FRMPD3: variants seen among roughly 807,000 people sequenced by gnomAD.
The protein encoded by FRMPD3 is FERM and PDZ domain containing 3.
Under a neutral mutation model 97.9 loss-of-function variants are expected in FRMPD3, and 42 were observed. The ratio of observed to expected loss-of-function variants is 0.43; its 90% CI spans 0.34 to 0.55. The LOEUF is 0.55. FRMPD3 is among the 20% of genes least tolerant of loss of function. The pLI is 0.03. For synonymous variants in FRMPD3, 577 were observed against 581.1 expected (o/e 0.99, Z 0.10); for missense variants, 1,303 against 1,457.7 (o/e 0.89, Z 1.73).
At chrX:107,495,881 A>G (rs1271434682) in intron 1 of FRMPD3, among the ~76,000 whole-genome samples, 1 of 112,555 alleles carries the variant, frequency 8.9e-6, no homozygotes, top group Non-Finnish European at 1.9e-5. Flanking sequence ...AGTTTGGTAA[A>G]TAGTGATACA....
intron 1 of FRMPD3, among the ~76,000 whole-genome samples, chrX:107,465,243 G>A (rs1227721680): frequency 2.7e-5 from 3 of 111,215 alleles, no homozygotes; most frequent in African/African-American, 9.8e-5. Context: ...AGGTCAAGGC[G>A]GGCAAATCAC....
chrX:107,552,260 A>G (rs1921895630), intron 6 of FRMPD3, among the ~76,000 whole-genome samples: 1 of 112,451 alleles, frequency 8.9e-6, no homozygotes, highest in African/African-American at 3.2e-5. Context: ...AAATCCAGTT[A>G]TGGTCAAAAA....
At chrX:107,581,154 G>A (rs186789992) in intron 13 of FRMPD3, among the ~76,000 whole-genome samples, 1 of 111,485 alleles carries the variant, frequency 9.0e-6, no homozygotes, top group African/African-American at 3.3e-5. Flanking sequence ...TGTTGCCCAA[G>A]CTAGAGTGCA....
intron 4 of FRMPD3, among the ~76,000 whole-genome samples, chrX:107,534,367 C>T (rs1052109302): frequency 9.0e-6 from 1 of 110,967 alleles, no homozygotes; most frequent in African/African-American, 3.3e-5. Context: ...AACAACAGTC[C>T]TCTGCACCCC....
At chrX:107,498,078 C>G (rs1221139128) in intron 1 of FRMPD3, among the ~76,000 whole-genome samples, 1 of 112,554 alleles carries the variant, frequency 8.9e-6, no homozygotes, top group Non-Finnish European at 1.9e-5. Context: ...GGCTCAGTGC[C>G]AGCCAGTTTA....
At chrX:107,499,950 T>C (rs1921865582) in intron 1 of FRMPD3, among the ~76,000 whole-genome samples, 1 of 111,586 alleles carries the variant, frequency 9.0e-6, no homozygotes, top group Non-Finnish European at 1.9e-5. Context: ...ACCAATACTC[T>C]GGGAGGAGCA....
At chrX:107,497,985 C>T (rs966372236) in intron 1 of FRMPD3, among the ~76,000 whole-genome samples, 2 of 111,331 alleles carry the variant, frequency 1.8e-5, no homozygotes, top group African/African-American at 6.6e-5. Context: ...CTCACTGCTC[C>T]CCGATCTTAC....
chrX:107,572,902 C>CTAATAA (rs772673427), intron 12 of FRMPD3, among the ~76,000 whole-genome samples: 53 of 102,545 alleles, frequency 5.2e-4, no homozygotes, highest in Non-Finnish European at 8.7e-4. Context: ...ACTACTACTA[C>CTAATAA]TACTACTAAT....
At chrX:107,488,956 G>A (rs1921578593) in intron 1 of FRMPD3, among the ~76,000 whole-genome samples, 1 of 103,785 alleles carries the variant, frequency 9.6e-6, no homozygotes, top group South Asian at 4.9e-4. Context: ...TTTAGCATTA[G>A]GTATATCTCC....
chrX:107,524,134 C>T (rs967822105), intron 1 of FRMPD3, among the ~76,000 whole-genome samples: 5 of 112,328 alleles, frequency 4.5e-5, no homozygotes, highest in African/African-American at 1.3e-4. Context: ...AAGCAAAGGG[C>T]TCATTTTCCA....
chrX:107,583,658 C>G, intron 13 of FRMPD3, among the ~76,000 whole-genome samples: 1 of 111,467 alleles, frequency 9.0e-6, no homozygotes, highest in Non-Finnish European at 1.9e-5. Flanking sequence ...CTTGAGGAAT[C>G]ATCGTACTGT....
chrX:107,534,849 C>T (rs1051621448), intron 4 of FRMPD3, among the ~76,000 whole-genome samples: 1 of 112,428 alleles, frequency 8.9e-6, no homozygotes, highest in Non-Finnish European at 1.9e-5. Context: ...TATACACGCA[C>T]TCATGTGCTC....
intron 13 of FRMPD3, among the ~76,000 whole-genome samples, chrX:107,587,775 G>A (rs745984260): frequency 9.0e-6 from 1 of 111,387 alleles, no homozygotes; most frequent in African/African-American, 3.3e-5. Flanking sequence ...TTGAATATTG[G>A]TCCTCAATAT....
At chrX:107,487,902 G>A (rs1921548844) in intron 1 of FRMPD3, among the ~76,000 whole-genome samples, 1 of 112,226 alleles carries the variant, frequency 8.9e-6, no homozygotes, top group Non-Finnish European at 1.9e-5. Flanking sequence ...AGGCTTAGGA[G>A]TGACAAAAGG....
Position 107,603,716 on chromosome X carries a change from T to C in FRMPD3, c.*343T>C. ...TTCCTGCTCAATCCGTGTTGGGCGC[T>C]GGGGGAGCCAGGGCCTGAAGCAAGC... is the stretch of plus-strand genomic sequence containing the variant. On this transcript the variant is annotated 3_prime_UTR_variant, in exon 15 of 15. Transcript: ENST00000683843. The C allele has an allele frequency of 5.8e-6, 1 of 173,357 alleles. No individual in the cohort carries two copies. The highest frequency in any genetic ancestry group is 2.3e-4 in the South Asian group (1 of 4,389). 14.3% of individuals were successfully genotyped at this position (173,357 alleles called of 1,213,427 possible).
intron 13 of FRMPD3, among the ~76,000 whole-genome samples, chrX:107,588,611 G>A (rs780271177): frequency 1.8e-5 from 2 of 111,536 alleles, no homozygotes; most frequent in Admixed American, 9.6e-5. Flanking sequence ...TCCTGAATTT[G>A]CGTGTTGGTC....
chrX:107,464,740 G>A (rs1259060564), intron 1 of FRMPD3, among the ~76,000 whole-genome samples: 1 of 111,574 alleles, frequency 9.0e-6, no homozygotes, highest in Non-Finnish European at 1.9e-5. Flanking sequence ...GGTAGCTGAC[G>A]CTTCCCAAGA....
chrX:107,572,879 CACTACTACTACT>C (rs35706267), intron 12 of FRMPD3, among the ~76,000 whole-genome samples: 1 of 99,495 alleles, frequency 1.0e-5, no homozygotes, highest in South Asian at 4.7e-4. Context: ...ACCACATCTC[CACTACTACTACT>C]ACTACTACTA....
intron 12 of FRMPD3, among the ~76,000 whole-genome samples, chrX:107,569,769 A>ACTTT (rs1922793438): frequency 8.9e-6 from 1 of 112,245 alleles, no homozygotes; most frequent in African/African-American, 3.2e-5. Context: ...GTAATCTAGC[A>ACTTT]CTTTGGGAGG....
Sources: gnomAD v4.1 joint callset for allele counts (sites outside exome capture counted in the v4.1 genomes callset) on GRCh38, gnomAD v4.1.1 for gene constraint, MANE v1.5 for transcripts, NCBI Gene and HGNC (gene_info 2026-07-23, HGNC 2026-07-21) for gene names.